Variants in ABCC9 observed in about 807,000 individuals in gnomAD.
ABCC9 encodes ATP binding cassette subfamily C member 9.
Under a neutral mutation model 188.3 loss-of-function variants are expected in ABCC9, and 95 were observed. The ratio of observed to expected loss-of-function variants is 0.50; its 90% CI spans 0.43 to 0.60. The LOEUF (loss-of-function observed/expected upper bound fraction) is 0.60, where lower values mean the gene tolerates loss of function less well. Among genes scored for constraint, ABCC9 ranks in the 20% least tolerant of loss-of-function variants. The pLI, the probability that ABCC9 is intolerant of heterozygous loss-of-function variation, is 0.00. For synonymous variants in ABCC9, 659 were observed against 652.7 expected (o/e 1.01, Z -0.15); for missense variants, 1,102 against 1,876.3 (o/e 0.59, Z 7.62).
At position 21,858,595 on chromosome 12, in the gene ABCC9, C is replaced by T. The variant is rs1261130904; in HGVS notation, c.2505+991G>A. 2.0e-5 allele frequency among the ~76,000 whole-genome samples: 3 copies of T among 149,828 alleles called. No individual in the cohort carries two copies. In the South Asian group the frequency reaches 6.4e-4, roughly 32 times the overall value. ...ATCCATCTCAAAAAAAAAAAAAAAT[C>T]TACAATTACATAGGCTACTGTTAGA... On this transcript the variant is annotated intron_variant, in intron 22 of 39. Transcript: ENST00000261200.
intron 37 of ABCC9, among the ~76,000 whole-genome samples, chr12:21,807,889 C>T (rs1185504755): frequency 6.6e-6 from 1 of 152,094 alleles, no homozygotes; most frequent in Non-Finnish European, 1.5e-5. Flanking sequence ...TTCCACTTCT[C>T]TTTTCATTAT....
intron 4 of ABCC9, among the ~76,000 whole-genome samples, chr12:21,929,903 A>G (rs1049172644): frequency 6.6e-6 from 1 of 152,148 alleles, no homozygotes; most frequent in South Asian, 2.1e-4. Context: ...TTACATATGT[A>G]TACATGTGCC....
At chr12:21,825,646 G>T (rs1437448726) in intron 31 of ABCC9, among the ~76,000 whole-genome samples, 1 of 151,902 alleles carries the variant, frequency 6.6e-6, no homozygotes, top group Non-Finnish European at 1.5e-5. Context: ...TCTGTCCGGG[G>T]GTGGGGGGCT....
intron 12 of ABCC9, among the ~76,000 whole-genome samples, chr12:21,901,991 C>A (rs2137803085): frequency 6.6e-6 from 1 of 152,348 alleles, no homozygotes; most frequent in South Asian, 2.1e-4. Flanking sequence ...CCCAAATCAA[C>A]AGAATATACA....
At chr12:21,872,285 T>A (rs555601635) in intron 18 of ABCC9, among the ~76,000 whole-genome samples, 1 of 152,352 alleles carries the variant, frequency 6.6e-6, no homozygotes, top group South Asian at 2.1e-4. Flanking sequence ...TTATAAATAA[T>A]GCACATTTTC....
intron 25 of ABCC9, among the ~76,000 whole-genome samples, chr12:21,846,048 A>G (rs539999552): frequency 6.6e-6 from 1 of 152,334 alleles, no homozygotes; most frequent in East Asian, 1.9e-4. Flanking sequence ...TGTAAAATCT[A>G]CATCTGGATG....
At chr12:21,872,427 A>G (rs1946127050) in intron 18 of ABCC9, among the ~76,000 whole-genome samples, 198 bp downstream of exon 18, 1 of 152,220 alleles carries the variant, frequency 6.6e-6, no homozygotes, top group South Asian at 2.1e-4. Context: ...TACTATTATA[A>G]ACAACCTTTG....
intron 16 of ABCC9, among the ~76,000 whole-genome samples, chr12:21,878,313 A>G (rs1437220645): frequency 2.0e-5 from 3 of 152,222 alleles, no homozygotes; most frequent in Non-Finnish European, 4.4e-5. Flanking sequence ...AAAATTAAAA[A>G]GAGTGAAAGT....
chr12:21,916,004 A>G, intron 6 of ABCC9, 94 bp from the exon 7 acceptor site: 1 of 1,262,642 alleles, frequency 7.9e-7, no homozygotes, highest in South Asian at 1.4e-5. Flanking sequence ...TTTTCATTTC[A>G]GGTGACCAAA....
rs904152943 is a variant in ABCC9, at chr12:21,817,177, A to G, written c.3892+10T>C. On this transcript the variant is annotated intron_variant, in intron 33 of 39. Coordinates refer to ENST00000261200, the MANE Select transcript of ABCC9 (RefSeq NM_020297.4). The stretch of plus-strand genomic sequence containing the variant: ...TATTTAAGTGAGACAAACAATATTT[A>G]GAGCAATACCCATTGTGCCTTCATA... 6.2e-7 allele frequency: 1 copy of G among 1,612,566 alleles called. No homozygotes were observed. Among genetic ancestry groups the G allele is most frequent in the Non-Finnish European group, 8.5e-7 (1 of 1,178,920 alleles).
intron 30 of ABCC9, among the ~76,000 whole-genome samples, chr12:21,831,766 C>T (rs1423498545): frequency 2.0e-5 from 3 of 152,120 alleles, no homozygotes; most frequent in East Asian, 1.9e-4. Flanking sequence ...AATGAGAAAG[C>T]GCCACATGTT....
chr12:21,911,267 A>G (rs1333185669), intron 8 of ABCC9, among the ~76,000 whole-genome samples: 3 of 151,920 alleles, frequency 2.0e-5, no homozygotes, highest in Non-Finnish European at 4.4e-5. Flanking sequence ...TAAGCAGCAA[A>G]TAAAAAGACA....
intron 25 of ABCC9, 26 bp from the exon 26 acceptor site, chr12:21,845,858 G>T: frequency 1.3e-6 from 2 of 1,538,380 alleles, no homozygotes; most frequent in Non-Finnish European, 9.0e-7. Context: ...TTTTGTTTAA[G>T]CTTCAGATGG....
intron 31 of ABCC9, among the ~76,000 whole-genome samples, chr12:21,828,715 T>A (rs1291575717): frequency 1.3e-5 from 2 of 152,200 alleles, no homozygotes; most frequent in Admixed American, 1.3e-4. Flanking sequence ...TTAACTTATG[T>A]GATCTAGAAA....
At position 21,801,184 on chromosome 12, in the gene ABCC9, G is replaced by A; in HGVS notation, c.4513-3C>T. On this transcript the variant is annotated splice_polypyrimidine_tract_variant and splice_region_variant and intron_variant, in intron 39 of 39. Coordinates refer to ENST00000261200, the MANE Select transcript of ABCC9 (RefSeq NM_020297.4). ...GTCAGAATAGTGTGTACTCGATGCT[G>A]TGAGTGAAAAGAAAACATGTATTTG... 1.2e-6 allele frequency: 2 copies of A among 1,613,776 alleles called. No individual in the cohort carries two copies. The highest frequency in any genetic ancestry group is 1.7e-6 in the Non-Finnish European group (2 of 1,179,908).
chr12:21,798,583 G>T lies in ABCC9; in HGVS notation c.*2461C>A, dbSNP rs553265702. ...TATTAGCCCTTTGTCAGATGAGTAG[G>T]TTGCGAAAATTTTCTCCCATGTTGT... On this transcript the variant is annotated 3_prime_UTR_variant, in exon 40 of 40. Coordinates refer to ENST00000261200, the MANE Select transcript of ABCC9 (RefSeq NM_020297.4). The T allele has an allele frequency of 5.6e-3, 851 of 150,636 alleles. 12 individuals are homozygous for T. The highest frequency in any genetic ancestry group is 0.019 in the African/African-American group (796 of 40,898). The allele number at this position is 150,636 out of a possible 1,614,324, so 9.3% of individuals were successfully genotyped here.
intron 36 of ABCC9, among the ~76,000 whole-genome samples, chr12:21,811,020 C>T (rs1035254345): frequency 1.3e-5 from 2 of 152,066 alleles, no homozygotes; most frequent in Non-Finnish European, 2.9e-5. Flanking sequence ...GCTCTGTGTT[C>T]CCACCCAAAT....
chr12:21,827,426 T>A, intron 31 of ABCC9: 2 of 409,208 alleles, frequency 4.9e-6, no homozygotes, highest in Non-Finnish European at 6.6e-6. Context: ...GATACAAAGG[T>A]AACTGCTAAC....
At chr12:21,818,273 T>C (rs755728020) in intron 31 of ABCC9, 22 bp from the exon 32 acceptor site, 43 of 1,597,966 alleles carry the variant, frequency 2.7e-5, no homozygotes, top group Non-Finnish European at 3.6e-5. Context: ...CAAGAGAAAA[T>C]GTTAAAAGGT....
Sources: allele counts gnomAD v4.1 joint callset (sites outside exome capture counted in the v4.1 genomes callset), GRCh38; gene constraint gnomAD v4.1.1; transcripts MANE v1.5; gene names NCBI Gene and HGNC (gene_info 2026-07-23, HGNC 2026-07-21).